Variants in CSRNP3 observed in about 807,000 individuals in gnomAD.
CSRNP3 encodes the protein cysteine and serine rich nuclear protein 3.
A neutral mutation model predicts 48.0 loss-of-function variants in CSRNP3; 12 were observed. The ratio of observed to expected loss-of-function variants is 0.25; its 90% CI spans 0.16 to 0.41. The LOEUF is 0.41. Ranked by LOEUF, CSRNP3 falls within the 10% of genes least tolerant of loss-of-function variation. CSRNP3 has a pLI of 1.00. For missense variants in CSRNP3, 580 were observed against 724.4 expected (o/e 0.80, Z 2.29); for synonymous variants, 263 against 269.7 (o/e 0.98, Z 0.24).
intron 4 of CSRNP3, among the ~76,000 whole-genome samples, chr2:165,595,532 C>CA (rs1183618977): frequency 6.7e-6 from 1 of 149,942 alleles, no homozygotes; most frequent in Non-Finnish European, 1.5e-5. Flanking sequence ...AATCCAGTTT[C>CA]AAAAAAAAAG....
chr2:165,679,375 C>G lies in CSRNP3; in HGVS notation c.1380C>G (p.Val460=), dbSNP rs745689085. ...AGAACTATTCTGAAAGAGACACTGT[C>G]AAAAATGGTACCCTTTCGCTGGTGC... ...ISENYSERDT[V]KNGTLSLVPY... The change falls in exon 7 of 7, where the codon GTC becomes GTG. Residue 460 remains valine (V), a synonymous_variant. Coordinates refer to ENST00000651982, the MANE Select transcript of CSRNP3 (RefSeq NM_001172173.2). 1.5e-5 allele frequency: 25 copies of G among 1,613,254 alleles called. No individual in the cohort carries two copies. The highest frequency in any genetic ancestry group is 2.0e-5 in the Non-Finnish European group (24 of 1,179,798).
chr2:165,662,950 A>T (rs1481107545), intron 5 of CSRNP3, among the ~76,000 whole-genome samples: 1 of 152,134 alleles, frequency 6.6e-6, no homozygotes, highest in Non-Finnish European at 1.5e-5. Flanking sequence ...CAAACAAAAA[A>T]AGTTGGCAGA....
chr2:165,559,394 T>C (rs764641905), intron 3 of CSRNP3, among the ~76,000 whole-genome samples: 1 of 152,206 alleles, frequency 6.6e-6, no homozygotes, highest in Admixed American at 6.5e-5. Flanking sequence ...CTAAGTGAAA[T>C]AGGATATGGT....
chr2:165,596,992 A>G (rs1382305364), intron 4 of CSRNP3, among the ~76,000 whole-genome samples: 1 of 152,204 alleles, frequency 6.6e-6, no homozygotes, highest in Non-Finnish European at 1.5e-5. Context: ...AGGCTCAGAG[A>G]GGCTAAGCGT....
At chr2:165,591,444 G>A (rs1685716000) in intron 3 of CSRNP3, among the ~76,000 whole-genome samples, 1 of 152,156 alleles carries the variant, frequency 6.6e-6, no homozygotes, top group Non-Finnish European at 1.5e-5. Context: ...AATTAATGAG[G>A]AGCTGAATGT....
intron 3 of CSRNP3, among the ~76,000 whole-genome samples, chr2:165,567,504 A>G (rs1416884657): frequency 6.6e-6 from 1 of 152,100 alleles, no homozygotes; most frequent in African/African-American, 2.4e-5. Flanking sequence ...TTAACCTGCA[A>G]CATTCTGAAT....
At chr2:165,511,249 G>A (rs1219624335) in intron 2 of CSRNP3, among the ~76,000 whole-genome samples, 1 of 152,166 alleles carries the variant, frequency 6.6e-6, no homozygotes, top group African/African-American at 2.4e-5. Context: ...GCTGAGGAAT[G>A]GAGAATGCAC....
chr2:165,542,214 G>A (rs759113521), intron 3 of CSRNP3, among the ~76,000 whole-genome samples: 1 of 152,176 alleles, frequency 6.6e-6, no homozygotes, highest in African/African-American at 2.4e-5. Context: ...TGATGGGACT[G>A]ATCTGTGCCA....
chr2:165,685,581 C>T lies in CSRNP3; in HGVS notation c.*5828C>T, dbSNP rs149710919. 8 of 152,200 alleles carry T rather than the reference C, an allele frequency of 5.3e-5. No homozygotes were observed. The highest frequency in any genetic ancestry group is 1.7e-4 in the African/African-American group (7 of 41,564). 9.4% of individuals were successfully genotyped at this position (152,200 alleles called of 1,614,324 possible). On this transcript the variant is annotated 3_prime_UTR_variant, in exon 7 of 7. Transcript: ENST00000651982. ...CCTGGAATTTTAGTAAATACAGATACTTGTTGTATCCATGGGAAATGAGGT... is the reference window on the plus strand; with the variant it reads ...CCTGGAATTTTAGTAAATACAGATATTTGTTGTATCCATGGGAAATGAGGT...
intron 4 of CSRNP3, among the ~76,000 whole-genome samples, chr2:165,642,143 CA>C (rs35525108): frequency 6.9e-6 from 1 of 145,336 alleles, no homozygotes; most frequent in East Asian, 2.1e-4. Context: ...CACACACACA[CA>C]CACGGTATAA....
At chr2:165,675,284 A>T (rs555314894) in intron 5 of CSRNP3, among the ~76,000 whole-genome samples, 2 of 152,224 alleles carry the variant, frequency 1.3e-5, no homozygotes, top group South Asian at 4.1e-4. Flanking sequence ...ATAATTAATA[A>T]ATTTTAGGAA....
At chr2:165,582,022 A>G (rs1404995239) in intron 3 of CSRNP3, among the ~76,000 whole-genome samples, 1 of 152,216 alleles carries the variant, frequency 6.6e-6, no homozygotes, top group Non-Finnish European at 1.5e-5. Flanking sequence ...TGAGAAAAAC[A>G]TTGGGTTGAA....
chr2:165,471,184 T>G (rs1683890787), intron 1 of CSRNP3, among the ~76,000 whole-genome samples: 1 of 152,042 alleles, frequency 6.6e-6, no homozygotes. Context: ...AACATGTTTA[T>G]ATGGTTAAGT....
At chr2:165,630,636 TGACA>T (rs1686520133) in intron 4 of CSRNP3, among the ~76,000 whole-genome samples, 1 of 152,162 alleles carries the variant, frequency 6.6e-6, no homozygotes. Flanking sequence ...AGTTATCAAA[TGACA>T]GACAAAGTAA....
intron 1 of CSRNP3, among the ~76,000 whole-genome samples, chr2:165,486,146 T>A (rs1374404897): frequency 9.2e-5 from 14 of 151,946 alleles, no homozygotes; most frequent in Non-Finnish European, 2.9e-5. Context: ...GCGCAAGGGG[T>A]CAGAGAGTTC....
At chr2:165,546,419 C>T (rs1685026498) in intron 3 of CSRNP3, among the ~76,000 whole-genome samples, 1 of 152,072 alleles carries the variant, frequency 6.6e-6, no homozygotes, top group Non-Finnish European at 1.5e-5. Context: ...TCTTGAATTC[C>T]TGACCTTGTG....
intron 1 of CSRNP3, among the ~76,000 whole-genome samples, chr2:165,485,226 C>G (rs1397167275): frequency 6.6e-6 from 1 of 152,130 alleles, no homozygotes; most frequent in Non-Finnish European, 1.5e-5. Context: ...CAATCTTTCT[C>G]TAATGACTTT....
At chr2:165,606,315 A>T (rs1403640299) in intron 4 of CSRNP3, among the ~76,000 whole-genome samples, 1 of 150,266 alleles carries the variant, frequency 6.7e-6, no homozygotes, top group Non-Finnish European at 1.5e-5. Flanking sequence ...CTGACGAGGA[A>T]TTAGTATCTG....
chr2:165,478,076 A>T (rs1485659871), intron 1 of CSRNP3, among the ~76,000 whole-genome samples: 5 of 151,922 alleles, frequency 3.3e-5, no homozygotes, highest in Admixed American at 6.6e-5. Flanking sequence ...AAGAAAGGTT[A>T]AAAAAAAGGA....
Sources: gnomAD v4.1 joint callset for allele counts (sites outside exome capture counted in the v4.1 genomes callset) on GRCh38, gnomAD v4.1.1 for gene constraint, MANE v1.5 for transcripts, NCBI Gene and HGNC (gene_info 2026-07-23, HGNC 2026-07-21) for gene names.